The following MAMLD1 variants were observed in gnomAD, a reference collection of about 807,000 sequenced individuals.
The protein encoded by MAMLD1 is mastermind-like domain-containing protein 1.
MAMLD1 carries 14 observed loss-of-function variants against 45.0 expected under a neutral mutation model. That is an observed-to-expected ratio of 0.31 (90% CI 0.21 to 0.49). The LOEUF (loss-of-function observed/expected upper bound fraction) is 0.49. MAMLD1 is among the 20% of genes least tolerant of loss of function. The probability of loss-of-function intolerance (pLI) is 0.99; values close to 1 mark genes in which losing one functional copy is unlikely to be tolerated. For missense variants in MAMLD1, 543 were observed against 603.6 expected (o/e 0.90, Z 1.05); for synonymous variants, 254 against 247.8 (o/e 1.02, Z -0.24).
At chrX:150,447,944 G>C (rs991288690) in intron 2 of MAMLD1, among the ~76,000 whole-genome samples, 2 of 112,118 alleles carry the variant, frequency 1.8e-5, no homozygotes, top group Non-Finnish European at 3.8e-5. Context: ...TGGTTCTCTT[G>C]TTCTTTCCTA....
At position 150,470,775 on chromosome X, in the gene MAMLD1, C is replaced by A; in HGVS notation, c.1202C>A (p.Pro401His). ...MTSSSNAALG[P>H]AMPYAPEKLP... The stretch of plus-strand genomic sequence containing the variant: ...TCCAGCAGCAATGCTGCCCTGGGGC[C>A]CGCCATGCCCTATGCTCCTGAGAAG... The change falls in exon 4 of 8, where the codon CCC (proline) becomes CAC (histidine). Residue 401 changes from proline to histidine, a missense_variant. Pro to His is a moderately conservative substitution (Grantham distance 77, BLOSUM62 -2). Coordinates refer to ENST00000370401, the MANE Select transcript of MAMLD1 (RefSeq NM_005491.5). 1 of 1,212,012 alleles carries A rather than the reference C, an allele frequency of 8.3e-7. No homozygotes were observed. Among genetic ancestry groups the A allele is most frequent in the Non-Finnish European group, 1.1e-6 (1 of 895,583 alleles).
At chrX:150,380,541 A>G (rs183302985) in intron 1 of MAMLD1, among the ~76,000 whole-genome samples, 2 of 111,293 alleles carry the variant, frequency 1.8e-5, no homozygotes, top group South Asian at 7.5e-4. Flanking sequence ...GTCAAGTATC[A>G]GTCTTTTCTT....
chrX:150,472,100 A>C (rs1602939053), intron 4 of MAMLD1, among the ~76,000 whole-genome samples: 1 of 112,025 alleles, frequency 8.9e-6, no homozygotes, highest in South Asian at 3.8e-4. Context: ...CATAGTTCGC[A>C]AGGGACAGAG....
chrX:150,491,923 T>A (rs782298080), intron 5 of MAMLD1, among the ~76,000 whole-genome samples: 6 of 112,221 alleles, frequency 5.3e-5, no homozygotes, highest in Non-Finnish European at 1.1e-4. Flanking sequence ...TTCCTCCAGG[T>A]GTGCAACACA....
At chrX:150,440,859 A>T (rs1366913084) in intron 1 of MAMLD1, among the ~76,000 whole-genome samples, 3 of 104,475 alleles carry the variant, frequency 2.9e-5, no homozygotes, top group Non-Finnish European at 3.9e-5. Flanking sequence ...ATTATTATTT[A>T]TTTAATAATT....
chrX:150,507,300 A>G (rs1349806952), intron 6 of MAMLD1, among the ~76,000 whole-genome samples: 2 of 112,067 alleles, frequency 1.8e-5, no homozygotes, highest in East Asian at 2.8e-4. Context: ...TGTTTTCTCC[A>G]TTTTCCAACG....
At chrX:150,477,190 C>A (rs2036605006) in intron 5 of MAMLD1, among the ~76,000 whole-genome samples, 1 of 89,487 alleles carries the variant, frequency 1.1e-5, no homozygotes, top group Admixed American at 1.3e-4. Flanking sequence ...GCGATTTACC[C>A]TCTCCAGGCT....
At chrX:150,387,425 T>C (rs1343479475) in intron 1 of MAMLD1, among the ~76,000 whole-genome samples, 1 of 112,263 alleles carries the variant, frequency 8.9e-6, no homozygotes, top group East Asian at 2.8e-4. Context: ...TGCTACCTCT[T>C]AGTCAACAGA....
At chrX:150,362,273 G>C (rs1454727015), upstream of MAMLD1, among the ~76,000 whole-genome samples, 6 of 111,168 alleles carry the variant, frequency 5.4e-5, no homozygotes, top group African/African-American at 2.0e-4. Context: ...GCTAGCCCTA[G>C]GGTCAGGCTC....
intron 1 of MAMLD1, among the ~76,000 whole-genome samples, chrX:150,430,816 ATCTG>A (rs1165817478): frequency 1.8e-5 from 2 of 112,377 alleles, no homozygotes; most frequent in African/African-American, 6.5e-5. Flanking sequence ...AGTTCCAATT[ATCTG>A]TCTGTCCCTC....
intron 2 of MAMLD1, among the ~76,000 whole-genome samples, chrX:150,450,279 G>A (rs1379947956): frequency 8.9e-6 from 1 of 112,646 alleles, no homozygotes; most frequent in Non-Finnish European, 1.9e-5. Context: ...GGGGCAGCCA[G>A]CTGGGAACAG....
rs2037921300 is a variant in MAMLD1 at position 150,512,196 on chromosome X, TCACCTC to T, written c.*240_*245del. 8.8e-7 allele frequency: 1 copy of T among 1,133,360 alleles called. No individual in the cohort carries two copies. 93.4% of individuals were successfully genotyped at this position (1,133,360 alleles called of 1,213,427 possible). ...ACTCTGGGGAAGCGGCAAGGAATTT[TCACCTC>T]CAGCCCCCAGTGTCCCATCCTCTCA... On this transcript the variant is annotated 3_prime_UTR_variant, in exon 8 of 8. Coordinates refer to ENST00000370401, the MANE Select transcript of MAMLD1 (RefSeq NM_005491.5).
intron 1 of MAMLD1, among the ~76,000 whole-genome samples, chrX:150,420,749 C>T (rs1263429210): frequency 8.9e-6 from 1 of 112,447 alleles, no homozygotes; most frequent in Admixed American, 9.3e-5. Flanking sequence ...TTAGGCTGCT[C>T]GGGGGTCAGG....
At position 150,470,777 on chromosome X, in the gene MAMLD1, G is replaced by T; in HGVS notation, c.1204G>T (p.Ala402Ser). ...CAGCAGCAATGCTGCCCTGGGGCCC[G>T]CCATGCCCTATGCTCCTGAGAAGCT... Reference protein sequence around the residue: ...TSSSNAALGPAMPYAPEKLPS... With the variant: ...TSSSNAALGPSMPYAPEKLPS... Residue 402 changes from alanine to serine, a missense_variant, in exon 4 of 8, where the codon GCC becomes TCC. By Grantham distance (99) the Ala-to-Ser change is moderately conservative. Transcript: ENST00000370401. 1 of 1,211,861 alleles carries T rather than the reference G, an allele frequency of 8.3e-7. No individual in the cohort carries two copies. The highest frequency in any genetic ancestry group is 1.7e-5 in the African/African-American group (1 of 57,814).
intron 6 of MAMLD1, chrX:150,504,225 C>T: frequency 1.3e-6 from 1 of 752,626 alleles, no homozygotes; most frequent in South Asian, 6.7e-5. Context: ...AGCGGATGGA[C>T]ACCAGCCAGA....
chrX:150,481,724 G>A (rs150444461), intron 5 of MAMLD1, among the ~76,000 whole-genome samples: 4 of 107,983 alleles, frequency 3.7e-5, no homozygotes, highest in African/African-American at 1.0e-4. Flanking sequence ...CAGCTACTCC[G>A]GAGGCTGAGG....
At chrX:150,382,398 T>C (rs782418781) in intron 1 of MAMLD1, among the ~76,000 whole-genome samples, 2 of 111,887 alleles carry the variant, frequency 1.8e-5, no homozygotes, top group Non-Finnish European at 3.8e-5. Flanking sequence ...CATATAAAAA[T>C]GTTAATACTG....
intron 6 of MAMLD1, chrX:150,504,963 A>C: frequency 1.3e-6 from 1 of 754,537 alleles, no homozygotes; most frequent in Non-Finnish European, 1.6e-6. Context: ...CAAGCTGGAA[A>C]TATATTTGTT....
chrX:150,494,848 C>T (rs781889418), intron 5 of MAMLD1, among the ~76,000 whole-genome samples: 55 of 111,133 alleles, frequency 4.9e-4, no homozygotes, highest in African/African-American at 1.7e-3. Flanking sequence ...TGCACTACTG[C>T]ACTCCAGCCT....
Sources: gnomAD v4.1 joint callset for allele counts (sites outside exome capture counted in the v4.1 genomes callset) on GRCh38, gnomAD v4.1.1 for gene constraint, MANE v1.5 for transcripts, NCBI Gene and HGNC (gene_info 2026-07-23, HGNC 2026-07-21) for gene names.